Variants in HRK observed in about 807,000 individuals in gnomAD.
HRK encodes activator of apoptosis harakiri.
In HRK, 6 loss-of-function variants were observed where a neutral mutation model predicts 5.9. The observed-to-expected ratio is 1.02, with a 90% confidence interval of 0.56 to 2.01. The LOEUF (loss-of-function observed/expected upper bound fraction) is 2.01, where lower values mean the gene tolerates loss of function less well. Among genes scored for constraint, HRK ranks in the 30% most tolerant of loss-of-function variants. The pLI is 0.00. For synonymous variants in HRK, 85 were observed against 65.1 expected (o/e 1.31, Z -1.47); for missense variants, 133 against 128.3 (o/e 1.04, Z -0.18).
At chr12:116,864,169 T>G (rs1878458109) in intron 1 of HRK, among the ~76,000 whole-genome samples, 1 of 152,234 alleles carries the variant, frequency 6.6e-6, no homozygotes, top group African/African-American at 2.4e-5. Flanking sequence ...TAAACATCTC[T>G]GTTGGTGTCT....
At chr12:116,873,462 T>G (rs1376331204) in intron 1 of HRK, among the ~76,000 whole-genome samples, 1 of 149,224 alleles carries the variant, frequency 6.7e-6, no homozygotes, top group Non-Finnish European at 1.5e-5. Context: ...CTCAGTCTCC[T>G]GGGCTCAAGC....
At chr12:116,867,287 A>G (rs1878582035) in intron 1 of HRK, among the ~76,000 whole-genome samples, 1 of 151,676 alleles carries the variant, frequency 6.6e-6, no homozygotes, top group Non-Finnish European at 1.5e-5. Context: ...GATTACAGGC[A>G]TGCACCACCA....
Position 116,862,708 on chromosome 12 carries a change from T to G in HRK, c.*57-1242A>C, listed in dbSNP as rs989586269. 1.5e-4 allele frequency among the ~76,000 whole-genome samples: 23 copies of G among 150,908 alleles called. No individual in the cohort carries two copies. Among genetic ancestry groups the G allele is most frequent in the South Asian group, 8.5e-4 (4 of 4,702 alleles). On this transcript the variant is annotated intron_variant, in intron 1 of 1. Coordinates refer to ENST00000257572, the MANE Select transcript of HRK (RefSeq NM_003806.4). This position sits in a 1 kb window ranked among gnomAD's most constrained non-coding sequence, Gnocchi z 4.0. ...TTGTACACCTTAAAAAGGTAGGGTT[T>G]TTTGTTTGTTTGTTTGTTTGTTTGT...
At chr12:116,865,794 C>A (rs991960219) in intron 1 of HRK, among the ~76,000 whole-genome samples, 10 of 152,172 alleles carry the variant, frequency 6.6e-5, no homozygotes, top group Non-Finnish European at 1.2e-4. Context: ...CAGAGCCCAG[C>A]ACAACGCCCA....
chr12:116,868,282 A>G (rs1333806108), intron 1 of HRK, among the ~76,000 whole-genome samples: 1 of 128,534 alleles, frequency 7.8e-6, no homozygotes, highest in Admixed American at 7.5e-5. Context: ...AAGTGTTGGG[A>G]GAAAACCACG....
At chr12:116,877,977 C>T (rs747573681) in intron 1 of HRK, among the ~76,000 whole-genome samples, 1 of 152,286 alleles carries the variant, frequency 6.6e-6, no homozygotes, top group African/African-American at 2.4e-5. Flanking sequence ...GTGATCTCAG[C>T]TCTTCTTGGC....
rs1417244771 is a variant in HRK at position 116,879,773 on chromosome 12, G to A, written c.*56+1203C>T. Among the ~76,000 whole-genome samples the A allele has an allele frequency of 2.0e-5, 3 of 152,232 alleles. No individual in the cohort carries two copies. The highest frequency in any genetic ancestry group is 4.4e-5 in the Non-Finnish European group (3 of 68,036). On this transcript the variant is annotated intron_variant, in intron 1 of 1. Coordinates refer to ENST00000257572, the MANE Select transcript of HRK (RefSeq NM_003806.4). This position sits in a 1 kb window ranked among gnomAD's most constrained non-coding sequence, Gnocchi z 5.6. ...GCTCCGGCTGCCGCCTTTCCCCGCG[G>A]GCGCAGACGCTCGGGCCTCGCCTTC...
intron 1 of HRK, among the ~76,000 whole-genome samples, chr12:116,873,180 G>A (rs1878821507): frequency 6.6e-6 from 1 of 152,136 alleles, no homozygotes; most frequent in Non-Finnish European, 1.5e-5. Context: ...ATGTCACCCA[G>A]GACAGAGTGC....
intron 1 of HRK, among the ~76,000 whole-genome samples, chr12:116,871,017 C>G (rs552437581): frequency 6.6e-6 from 1 of 152,260 alleles, no homozygotes; most frequent in Admixed American, 6.5e-5. Flanking sequence ...CTCCTGGGTT[C>G]AAGCGATTCT....
rs1051891176 is a variant in HRK at position 116,862,836 on chromosome 12, A to G, written c.*57-1370T>C. On this transcript the variant is annotated intron_variant, in intron 1 of 1. Transcript: ENST00000257572. The surrounding 1 kb of genome is among the most constrained non-coding windows in gnomAD (Gnocchi z 4.0). The stretch of plus-strand genomic sequence containing the variant: ...AACCTCTGCCTCCTGGGTTCAAGCA[A>G]CCTCTGCCTCCTGCCTCAGCCTCCC... Among the ~76,000 whole-genome samples the G allele has an allele frequency of 6.6e-6, 1 of 151,940 alleles. No individual in the cohort carries two copies. The highest frequency in any genetic ancestry group is 1.5e-5 in the Non-Finnish European group (1 of 67,974).
At chr12:116,868,737 AG>A (rs1374795565) in intron 1 of HRK, among the ~76,000 whole-genome samples, 1 of 152,178 alleles carries the variant, frequency 6.6e-6, no homozygotes, top group Non-Finnish European at 1.5e-5. Context: ...TGGGCAAAAT[AG>A]GCATGGCGGT....
At chr12:116,867,142 CTT>C (rs1273115320) in intron 1 of HRK, among the ~76,000 whole-genome samples, 18 of 136,970 alleles carry the variant, frequency 1.3e-4, no homozygotes, top group Non-Finnish European at 1.6e-4. Flanking sequence ...CAAAAAAAAA[CTT>C]TTTTTTTTTT....
Position 116,857,081 on chromosome 12 carries a change from A to G in HRK, c.*4442T>C, listed in dbSNP as rs1878178763. On this transcript the variant is annotated 3_prime_UTR_variant, in exon 2 of 2. Transcript: ENST00000257572. ...GATAGCAGGGCTCTCAGTAAATACT[A>G]TATAACAATCTGCCAGCAAAGCTTG... 1 of 152,246 alleles carries G rather than the reference A, an allele frequency of 6.6e-6. No homozygotes were observed. The highest frequency in any genetic ancestry group is 1.5e-5 in the Non-Finnish European group (1 of 68,050). 9.4% of individuals were successfully genotyped at this position (152,246 alleles called of 1,614,324 possible).
chr12:116,873,755 AGGT>A (rs1878838814), intron 1 of HRK, among the ~76,000 whole-genome samples: 1 of 152,186 alleles, frequency 6.6e-6, no homozygotes, highest in South Asian at 2.1e-4. Context: ...CATGGAGCAA[AGGT>A]TCAGTGTGGG....
chr12:116,872,262 C>T (rs78061088), intron 1 of HRK, among the ~76,000 whole-genome samples: 17 of 151,680 alleles, frequency 1.1e-4, no homozygotes, highest in Non-Finnish European at 8.8e-5. Flanking sequence ...CCCAGCTACT[C>T]GGGAGGCTAA....
In HRK at chr12:116,858,711, C is replaced by T. The variant is rs1325450063; in HGVS notation, c.*2812G>A. 1 of 151,720 alleles carries T rather than the reference C, an allele frequency of 6.6e-6. No individual in the cohort carries two copies. Among genetic ancestry groups the T allele is most frequent in the Non-Finnish European group, 1.5e-5 (1 of 68,012 alleles). The allele number at this position is 151,720 out of a possible 1,614,324, so 9.4% of individuals were successfully genotyped here. ...TTCTCTCTCTCTCTCTTCACAGACG[C>T]TCTGCAGTGAAGCTAATCAAAATCA... On this transcript the variant is annotated 3_prime_UTR_variant, in exon 2 of 2. Transcript: ENST00000257572.
At chr12:116,874,305 G>GAT (rs1878859158) in intron 1 of HRK, among the ~76,000 whole-genome samples, 1 of 152,066 alleles carries the variant, frequency 6.6e-6, no homozygotes, top group Non-Finnish European at 1.5e-5. Flanking sequence ...ACTGGACTTA[G>GAT]CTCTCTCTCT....
intron 1 of HRK, among the ~76,000 whole-genome samples, chr12:116,873,669 AG>A (rs1878836846): frequency 6.6e-6 from 1 of 152,154 alleles, no homozygotes; most frequent in South Asian, 2.1e-4. Context: ...CACCACATCC[AG>A]CTACTTTTTA....
At chr12:116,869,091 A>G (rs1878650438) in intron 1 of HRK, among the ~76,000 whole-genome samples, 1 of 151,904 alleles carries the variant, frequency 6.6e-6, no homozygotes, top group South Asian at 2.1e-4. Flanking sequence ...CTCCCACCTC[A>G]GCCTCCCGAG....
Sources: gnomAD v4.1 joint callset for allele counts (sites outside exome capture counted in the v4.1 genomes callset) on GRCh38, gnomAD v4.1.1 for gene constraint, Gnocchi (gnomAD v3.1) non-coding constraint, MANE v1.5 for transcripts, NCBI Gene and HGNC (gene_info 2026-07-23, HGNC 2026-07-21) for gene names.